Variants in CCSER1 observed in about 807,000 individuals in gnomAD.
CCSER1 encodes coiled-coil serine rich protein 1, also known as serine-rich coiled-coil domain-containing protein 1.
CCSER1 carries 41 observed loss-of-function variants against 82.0 expected under a neutral mutation model. The observed-to-expected ratio is 0.50, with a 90% CI of 0.39 to 0.65. The LOEUF (loss-of-function observed/expected upper bound fraction) is 0.65, where lower values mean the gene tolerates loss of function less well. CCSER1 is among the 30% of genes least tolerant of loss of function. The pLI is 0.00. For missense variants in CCSER1, 1,119 were observed against 1,064.2 expected (o/e 1.05, Z -0.72); for synonymous variants, 414 against 383.9 (o/e 1.08, Z -0.92).
At chr4:90,485,470 G>A (rs753594878) in intron 5 of CCSER1, among the ~76,000 whole-genome samples, 6 of 151,406 alleles carry the variant, frequency 4.0e-5, no homozygotes, top group Non-Finnish European at 7.4e-5. Context: ...TGTCACTCAC[G>A]CTGGGAGCTG....
chr4:90,237,635 T>C (rs902679603), intron 1 of CCSER1, among the ~76,000 whole-genome samples: 1 of 152,160 alleles, frequency 6.6e-6, no homozygotes, highest in Admixed American at 6.5e-5. Context: ...CATAACTATA[T>C]GGGAAGTCTT....
At chr4:90,776,041 A>T (rs575712524) in intron 7 of CCSER1, among the ~76,000 whole-genome samples, 1 of 152,160 alleles carries the variant, frequency 6.6e-6, no homozygotes, top group Non-Finnish European at 1.5e-5. Context: ...CTGTCTTTAT[A>T]AAATGAGGGG....
chr4:91,042,504 G>A (rs988826012), intron 9 of CCSER1, among the ~76,000 whole-genome samples: 16 of 152,112 alleles, frequency 1.1e-4, no homozygotes, highest in African/African-American at 3.9e-4. Flanking sequence ...TTAATTGTAT[G>A]TCTCCTTATT....
At chr4:91,183,296 G>T (rs1338711346) in intron 10 of CCSER1, among the ~76,000 whole-genome samples, 5 of 152,138 alleles carry the variant, frequency 3.3e-5, no homozygotes, top group African/African-American at 1.2e-4. Flanking sequence ...TACAAGCTCC[G>T]TTTTTGAGCT....
chr4:91,479,731 TTTA>T (rs1212594457), intron 10 of CCSER1, among the ~76,000 whole-genome samples: 335 of 149,242 alleles, frequency 2.2e-3, no homozygotes, highest in African/African-American at 6.1e-3. Context: ...TATTTATTTA[TTTA>T]TTATTATTAT....
chr4:90,686,924 T>G lies in CCSER1; in HGVS notation c.1933-36990T>G, dbSNP rs1248404703. On this transcript the variant is annotated intron_variant, in intron 6 of 10. Transcript: ENST00000509176. ...TTCTGTCAACAAGTAACAGAAGACATTAACTAAACCACCTTACAAAACAAT... is the reference window on the plus strand; with the variant it reads ...TTCTGTCAACAAGTAACAGAAGACAGTAACTAAACCACCTTACAAAACAAT... Among the ~76,000 whole-genome samples, 6 of 152,240 alleles carry G rather than the reference T, an allele frequency of 3.9e-5. No homozygotes were observed. In the East Asian group the frequency reaches 1.2e-3, roughly 29 times the overall value.
intron 5 of CCSER1, among the ~76,000 whole-genome samples, chr4:90,475,005 T>A (rs916576646): frequency 6.6e-6 from 1 of 152,176 alleles, no homozygotes; most frequent in African/African-American, 2.4e-5. Context: ...GATATTCTTT[T>A]AATTTATGTT....
At chr4:90,489,433 G>A (rs1767619948) in intron 5 of CCSER1, among the ~76,000 whole-genome samples, 1 of 152,150 alleles carries the variant, frequency 6.6e-6, no homozygotes, top group Admixed American at 6.5e-5. Context: ...AGTCTTGGGA[G>A]TCAGCATTCT....
intron 5 of CCSER1, among the ~76,000 whole-genome samples, chr4:90,561,890 T>C (rs1392590524): frequency 2.0e-5 from 3 of 152,104 alleles, no homozygotes; most frequent in Non-Finnish European, 4.4e-5. Flanking sequence ...GGGATTTGAC[T>C]GTAAAGATAA....
At chr4:91,524,798 T>G (rs1760687735) in intron 10 of CCSER1, among the ~76,000 whole-genome samples, 1 of 152,104 alleles carries the variant, frequency 6.6e-6, no homozygotes, top group Non-Finnish European at 1.5e-5. Context: ...ATTAAGGTAA[T>G]GCAGAGTCTT....
intron 10 of CCSER1, among the ~76,000 whole-genome samples, chr4:91,301,809 A>G (rs1331530533): frequency 6.6e-6 from 1 of 151,904 alleles, no homozygotes; most frequent in Non-Finnish European, 1.5e-5. Flanking sequence ...TTAAGCCACC[A>G]ACAATGATGA....
At chr4:90,227,917 G>A (rs967030710) in intron 1 of CCSER1, among the ~76,000 whole-genome samples, 3 of 152,208 alleles carry the variant, frequency 2.0e-5, no homozygotes, top group Non-Finnish European at 4.4e-5. Flanking sequence ...TTTCCGACGG[G>A]CTTAAAAAAC....
intron 7 of CCSER1, among the ~76,000 whole-genome samples, chr4:90,784,018 T>C (rs1754155095): frequency 6.6e-6 from 1 of 152,166 alleles, no homozygotes; most frequent in Non-Finnish European, 1.5e-5. Context: ...GAGTCAGGAA[T>C]AGTAGTCAGA....
At position 90,364,601 on chromosome 4, in the gene CCSER1, T is replaced by C. The variant is rs538303361; in HGVS notation, c.1510-35435T>C. Among the ~76,000 whole-genome samples, 5 of 152,164 alleles carry C rather than the reference T, an allele frequency of 3.3e-5. No individual in the cohort carries two copies. The South Asian group carries it at 8.3e-4, about 25-fold the overall frequency. ...TAAAAAGCATTAAAGTAGTTTGATA[T>C]TTAAAAATATGTAGTCAGTTCTACT... On this transcript the variant is annotated intron_variant, in intron 3 of 10. Coordinates refer to ENST00000509176, the MANE Select transcript of CCSER1 (RefSeq NM_001145065.2).
chr4:90,385,395 G>A (rs1276353271), intron 3 of CCSER1, among the ~76,000 whole-genome samples: 1 of 146,800 alleles, frequency 6.8e-6, no homozygotes, highest in African/African-American at 2.5e-5. Context: ...CTGTGTCAAA[G>A]TCTAATGTTT....
intron 4 of CCSER1, among the ~76,000 whole-genome samples, chr4:90,440,487 G>T (rs1366444165): frequency 6.6e-6 from 1 of 152,168 alleles, no homozygotes; most frequent in Admixed American, 6.5e-5. Context: ...TGGCTTAGGA[G>T]GATTACATAA....
At chr4:90,211,567 C>T (rs772698436) in intron 1 of CCSER1, among the ~76,000 whole-genome samples, 6 of 152,176 alleles carry the variant, frequency 3.9e-5, no homozygotes, top group Non-Finnish European at 8.8e-5. Flanking sequence ...CAATTTGACT[C>T]TGCTTTCAAA....
chr4:90,457,996 A>G (rs1437379988), intron 4 of CCSER1, among the ~76,000 whole-genome samples: 1 of 152,174 alleles, frequency 6.6e-6, no homozygotes, highest in Non-Finnish European at 1.5e-5. Flanking sequence ...CACCCTGAGC[A>G]TGTGCATACC....
At chr4:91,294,155 T>C (rs1348734539) in intron 10 of CCSER1, among the ~76,000 whole-genome samples, 1 of 152,010 alleles carries the variant, frequency 6.6e-6, no homozygotes, top group Non-Finnish European at 1.5e-5. Flanking sequence ...TTAAAGAAAC[T>C]ATAGTTCCTT....
Sources: gnomAD v4.1 joint callset for allele counts (sites outside exome capture counted in the v4.1 genomes callset) on GRCh38, gnomAD v4.1.1 for gene constraint, MANE v1.5 for transcripts, NCBI Gene and HGNC (gene_info 2026-07-23, HGNC 2026-07-21) for gene names.